Variants in MNAT1 observed in about 807,000 individuals in gnomAD.
MNAT1 encodes MNAT1 component of CDK activating kinase, also known as CDK-activating kinase assembly factor MAT1.
MNAT1 carries 43 observed loss-of-function variants against 42.0 expected under a neutral mutation model. The ratio of observed to expected loss-of-function variants is 1.02; its 90% confidence interval spans 0.80 to 1.32. The LOEUF (loss-of-function observed/expected upper bound fraction) is 1.32, where lower values mean the gene tolerates loss of function less well. Ranked by LOEUF, MNAT1 falls within the 40% of genes most tolerant of loss-of-function variation. The pLI, the probability that MNAT1 is intolerant of heterozygous loss-of-function variation, is 0.00. For missense variants in MNAT1, 306 were observed against 350.4 expected (o/e 0.87, Z 1.01); for synonymous variants, 118 against 120.0 (o/e 0.98, Z 0.11).
At chr14:60,877,705 G>A (rs1324790804) in intron 6 of MNAT1, among the ~76,000 whole-genome samples, 1 of 151,882 alleles carries the variant, frequency 6.6e-6, no homozygotes, top group Non-Finnish European at 1.5e-5. Context: ...ATAAAATGTA[G>A]GTATTTTTAT....
intron 7 of MNAT1, among the ~76,000 whole-genome samples, chr14:60,893,033 A>T (rs2034878020): frequency 6.6e-6 from 1 of 152,026 alleles, no homozygotes; most frequent in African/African-American, 2.4e-5. Context: ...TTTTAGACTA[A>T]TTTTTTTAAA....
chr14:60,777,722 TAC>T (rs2031303982), intron 1 of MNAT1, among the ~76,000 whole-genome samples: 1 of 152,176 alleles, frequency 6.6e-6, no homozygotes, highest in Non-Finnish European at 1.5e-5. Context: ...CTTTCATGTT[TAC>T]ATCTTTGTTT....
At chr14:60,912,587 G>A (rs1484732942) in intron 7 of MNAT1, among the ~76,000 whole-genome samples, 7 of 152,122 alleles carry the variant, frequency 4.6e-5, no homozygotes, top group Non-Finnish European at 8.8e-5. Context: ...ATGAAGCTTA[G>A]TTTGGCTGGA....
At chr14:60,939,218 G>C (rs186109228) in intron 7 of MNAT1, among the ~76,000 whole-genome samples, 8 of 152,096 alleles carry the variant, frequency 5.3e-5, no homozygotes, top group African/African-American at 1.7e-4. Context: ...AGGGTTTTTT[G>C]TGTGTCTATC....
chr14:60,928,719 AT>A (rs2035816182), intron 7 of MNAT1, among the ~76,000 whole-genome samples: 1 of 152,042 alleles, frequency 6.6e-6, no homozygotes, highest in African/African-American at 2.4e-5. Flanking sequence ...ACAAAAAGTT[AT>A]TTTTTGATTA....
Position 60,812,062 on chromosome 14 carries a change from C to CA in MNAT1, c.501dup (p.Glu168ArgfsTer13). 1.2e-6 allele frequency: 2 copies of CA among 1,604,248 alleles called. No individual in the cohort carries two copies. Among genetic ancestry groups the CA allele is most frequent in the Non-Finnish European group, 1.7e-6 (2 of 1,176,508 alleles). On this transcript the variant is annotated frameshift_variant, in exon 5 of 8. Transcript: ENST00000261245. LOFTEE classifies it high-confidence loss of function. ...AAATGAACAAAGAAGATTATTTATA[C>CA]AAAAAGAAGAACAACTGCAGCAGAT...
At chr14:60,872,122 G>T (rs1196996508) in intron 6 of MNAT1, among the ~76,000 whole-genome samples, 2 of 152,114 alleles carry the variant, frequency 1.3e-5, no homozygotes, top group East Asian at 3.8e-4. Context: ...GGTTCTGCAG[G>T]CTGTATGAGG....
chr14:60,871,869 C>T (rs969127916), intron 6 of MNAT1, among the ~76,000 whole-genome samples: 6 of 152,040 alleles, frequency 3.9e-5, no homozygotes, highest in South Asian at 2.1e-4. Flanking sequence ...GTGATCCACC[C>T]GCCTCGGCCT....
chr14:60,790,455 A>G (rs967329170), intron 1 of MNAT1, among the ~76,000 whole-genome samples: 2 of 152,172 alleles, frequency 1.3e-5, no homozygotes, highest in African/African-American at 2.4e-5. Context: ...CAAGGACTCA[A>G]AATAATCCAA....
chr14:60,892,029 T>G (rs1566539471), intron 7 of MNAT1, among the ~76,000 whole-genome samples: 1 of 152,192 alleles, frequency 6.6e-6, no homozygotes, highest in Non-Finnish European at 1.5e-5. Flanking sequence ...TGATACCAAT[T>G]TTTTAAAAAT....
chr14:60,735,799 G>T (rs1354076962), intron 1 of MNAT1, among the ~76,000 whole-genome samples: 2 of 152,226 alleles, frequency 1.3e-5, no homozygotes, highest in Non-Finnish European at 2.9e-5. Flanking sequence ...TTTCTTGTCA[G>T]ATGTGGTTTA....
At chr14:60,862,153 T>C (rs1199818052) in intron 6 of MNAT1, among the ~76,000 whole-genome samples, 5 of 152,234 alleles carry the variant, frequency 3.3e-5, no homozygotes. Flanking sequence ...ATTATTTTAT[T>C]ACTTTGCTCT....
At chr14:60,902,837 GAA>G (rs1235002507) in intron 7 of MNAT1, among the ~76,000 whole-genome samples, 57 of 151,958 alleles carry the variant, frequency 3.8e-4, no homozygotes, top group African/African-American at 1.3e-3. Flanking sequence ...TGTTATATAT[GAA>G]AACTATTAAA....
At chr14:60,761,665 G>C (rs1156723396) in intron 1 of MNAT1, among the ~76,000 whole-genome samples, 1 of 152,018 alleles carries the variant, frequency 6.6e-6, no homozygotes, top group Non-Finnish European at 1.5e-5. Context: ...TCTTTTTAGG[G>C]TTATGTTTTC....
At chr14:60,844,311 G>A (rs551572553) in intron 6 of MNAT1, among the ~76,000 whole-genome samples, 1 of 152,192 alleles carries the variant, frequency 6.6e-6, no homozygotes, top group South Asian at 2.1e-4. Context: ...ATAGATCAAT[G>A]TGGGGAGAAT....
At chr14:60,799,009 C>A (rs2032114200) in intron 3 of MNAT1, among the ~76,000 whole-genome samples, 1 of 152,100 alleles carries the variant, frequency 6.6e-6, no homozygotes, top group Non-Finnish European at 1.5e-5. Flanking sequence ...ATATGATAAA[C>A]TTAACAATTC....
Position 60,847,617 on chromosome 14 carries a change from C to T in MNAT1, c.687+28770C>T, listed in dbSNP as rs190244379. On this transcript the variant is annotated intron_variant, in intron 6 of 7. Coordinates refer to ENST00000261245, the MANE Select transcript of MNAT1 (RefSeq NM_002431.4). ...TTTAATGTTTGTTTTGTATATTTCT[C>T]ATGGTGCTTTTTGTTCTTCTCTTCC... Among the ~76,000 whole-genome samples, 384 of 152,156 alleles carry T rather than the reference C, an allele frequency of 2.5e-3. 2 individuals are homozygous for T. Among genetic ancestry groups the T allele is most frequent in the Admixed American group, 7.9e-3 (121 of 15,288 alleles).
intron 1 of MNAT1, among the ~76,000 whole-genome samples, chr14:60,786,373 G>T (rs2031651649): frequency 6.6e-6 from 1 of 152,038 alleles, no homozygotes; most frequent in African/African-American, 2.4e-5. Flanking sequence ...CTTAAATTAT[G>T]ATTGCATTCC....
At chr14:60,960,808 A>T (rs2036573137) in intron 7 of MNAT1, among the ~76,000 whole-genome samples, 1 of 151,934 alleles carries the variant, frequency 6.6e-6, no homozygotes, top group South Asian at 2.1e-4. Flanking sequence ...TTTCACTGCC[A>T]CCACCCTAAT....
Sources: allele counts gnomAD v4.1 joint callset (sites outside exome capture counted in the v4.1 genomes callset), GRCh38; gene constraint gnomAD v4.1.1; transcripts MANE v1.5; gene names NCBI Gene and HGNC (gene_info 2026-07-23, HGNC 2026-07-21).